Variants in ANXA8 observed in about 807,000 individuals in gnomAD.
The protein encoded by ANXA8 is VAC-beta.
Under a neutral mutation model 26.8 loss-of-function variants are expected in ANXA8, and 9 were observed. The ratio of observed to expected loss-of-function variants is 0.34; its 90% CI spans 0.20 to 0.59. The LOEUF (loss-of-function observed/expected upper bound fraction) is 0.59, where lower values mean the gene tolerates loss of function less well. ANXA8 is among the 20% of genes least tolerant of loss of function. ANXA8 has a pLI of 0.84. For missense variants in ANXA8, 83 were observed against 238.5 expected, an observed-to-expected ratio of 0.35 and a Z score of 4.29; for synonymous variants, 39 against 94.8, an observed-to-expected ratio of 0.41 and a Z score of 3.42.
the ANXA8 span, among the ~76,000 whole-genome samples, chr10:47,672,246 T>C: frequency 6.7e-6 from 1 of 150,288 alleles, no homozygotes; most frequent in Non-Finnish European, 1.5e-5. Flanking sequence ...TCTTATTCTA[T>C]TGTGAAGAAT....
the ANXA8 span, among the ~76,000 whole-genome samples, chr10:47,672,860 A>T: frequency 6.6e-6 from 1 of 151,724 alleles, no homozygotes; most frequent in East Asian, 1.9e-4. Flanking sequence ...TGTAACTGAA[A>T]ACCTATAAAA....
chr10:47,565,639 C>CG, the ANXA8 span: 1 of 344,880 alleles, frequency 2.9e-6, no homozygotes, highest in African/African-American at 2.2e-5. Flanking sequence ...ACTTCGGCTA[C>CG]GCGGCTGCCG....
chr10:47,476,304 C>T lies in ANXA8; in HGVS notation c.340G>A (p.Gly114Ser), dbSNP rs1168017902. 1,797 of 466,162 alleles carry T rather than the reference C, an allele frequency of 3.9e-3. 52 individuals are homozygous for T. The highest frequency in any genetic ancestry group is 4.5e-3 in the Non-Finnish European group (1,398 of 310,846). 28.9% of individuals were successfully genotyped at this position (466,162 alleles called of 1,614,324 possible). The change falls in exon 5 of 12, where the codon GGT becomes AGT. Residue 114 changes from glycine to serine, a missense_variant. Gly to Ser is a moderately conservative substitution (Grantham distance 56). This residue lies in a region of ANXA8 where 16 missense variants were observed against 16.3 expected (regional missense o/e 0.98). Transcript: ENST00000585281. Reference sequence around the variant, plus strand: ...GAGGCCAGGATCTCAATGATGACACCCTCCTTGGTTCCTAAGCCCTGTGGA... The same window carrying T: ...GAGGCCAGGATCTCAATGATGACACTCTCCTTGGTTCCTAAGCCCTGTGGA... ...DAMKGLGTKE[G>S]VIIEILASRT... is the part of the protein sequence containing the mutation.
chr10:47,470,369 G>A (rs1389947233), intron 11 of ANXA8, among the ~76,000 whole-genome samples: 1 of 143,100 alleles, frequency 7.0e-6, no homozygotes, highest in Non-Finnish European at 1.5e-5. Flanking sequence ...ACCATGTGTG[G>A]TTAAAAGGGT....
the ANXA8 span, among the ~76,000 whole-genome samples, chr10:47,946,464 G>A: frequency 1.3e-5 from 2 of 150,420 alleles, no homozygotes; most frequent in Non-Finnish European, 2.9e-5. Flanking sequence ...GCCAGAGCCT[G>A]TCAGGCAGCA....
chr10:47,503,937 C>CAAAAAAAAAAAAAAAAAAAAA, the ANXA8 span, among the ~76,000 whole-genome samples: 2 of 23,442 alleles, frequency 8.5e-5, no homozygotes, highest in Non-Finnish European at 1.4e-4. Context: ...GAGAGTCCAT[C>CAAAAAAAAAAAAAAAAAAAAA]AAAAAAAAAA....
chr10:47,710,295 G>A, the ANXA8 span: 1 of 1,319,508 alleles, frequency 7.6e-7, no homozygotes, highest in Non-Finnish European at 1.0e-6. Context: ...CTACCTCAGA[G>A]ATCTTCCTCC....
At chr10:47,771,590 G>A in the ANXA8 span, among the ~76,000 whole-genome samples, 2 of 151,446 alleles carry the variant, frequency 1.3e-5, no homozygotes, top group African/African-American at 4.9e-5. Context: ...TGTTGTTGTT[G>A]TTGTTAGATG....
At chr10:47,737,024 T>G in the ANXA8 span, among the ~76,000 whole-genome samples, 1 of 150,968 alleles carries the variant, frequency 6.6e-6, no homozygotes, top group Non-Finnish European at 1.5e-5. Flanking sequence ...ATTTGCAGTT[T>G]GCTTTTTCAT....
the ANXA8 span, among the ~76,000 whole-genome samples, chr10:47,972,905 T>G: frequency 1.4e-5 from 2 of 145,012 alleles, no homozygotes; most frequent in African/African-American, 5.0e-5. Context: ...GGGTCTAGCA[T>G]GTCATGGGAG....
At chr10:47,691,234 G>T in the ANXA8 span, 16 of 1,414,004 alleles carry the variant, frequency 1.1e-5, no homozygotes, top group South Asian at 1.9e-4. Flanking sequence ...TCACGGGTGA[G>T]GTCATTATGG....
At chr10:47,666,811 C>T in the ANXA8 span, among the ~76,000 whole-genome samples, 1 of 151,914 alleles carries the variant, frequency 6.6e-6, no homozygotes, top group Non-Finnish European at 1.5e-5. Context: ...CCTTCATTTC[C>T]TCTTCTCATA....
At chr10:47,502,452 C>T in the ANXA8 span, 627 of 1,612,530 alleles carry the variant, frequency 3.9e-4, 6 homozygotes, top group South Asian at 6.3e-3. Flanking sequence ...TCTCTTCCCT[C>T]GTGGACTTTA....
chr10:47,687,018 A>G, the ANXA8 span, among the ~76,000 whole-genome samples: 3 of 151,616 alleles, frequency 2.0e-5, no homozygotes, highest in African/African-American at 7.3e-5. Flanking sequence ...GCTGGATGAC[A>G]GCTTGAGCCC....
chr10:47,510,037 T>C, the ANXA8 span: 1 of 1,479,578 alleles, frequency 6.8e-7, no homozygotes, highest in South Asian at 1.2e-5. Context: ...AAACTGATAC[T>C]TAATATTCAG....
At chr10:47,521,306 T>C in the ANXA8 span, among the ~76,000 whole-genome samples, 1,282 of 139,376 alleles carry the variant, frequency 9.2e-3, 159 homozygotes, top group African/African-American at 0.033. Context: ...CCAAGCAGAG[T>C]ATAAGTTTAT....
the ANXA8 span, among the ~76,000 whole-genome samples, chr10:47,682,469 C>CTTTCTTTTTTTT: frequency 8.2e-6 from 1 of 121,648 alleles, no homozygotes; most frequent in Non-Finnish European, 1.7e-5. Context: ...CTTTCTTTTT[C>CTTTCTTTTTTTT]TTTTTTTTTT....
the ANXA8 span, among the ~76,000 whole-genome samples, chr10:47,643,837 A>AC: frequency 1.3e-5 from 1 of 74,254 alleles, no homozygotes; most frequent in East Asian, 2.6e-4. Flanking sequence ...TGGGATAAGA[A>AC]ACTTGCTGTC....
chr10:47,548,862 T>C, the ANXA8 span, among the ~76,000 whole-genome samples: 1 of 152,184 alleles, frequency 6.6e-6, no homozygotes, highest in African/African-American at 2.4e-5. Flanking sequence ...CTATTTCATC[T>C]TATGTAAACT....
Sources: allele counts gnomAD v4.1 joint callset (sites outside exome capture counted in the v4.1 genomes callset), GRCh38; gene constraint gnomAD v4.1.1; regional missense constraint gnomAD v4.1.1; transcripts MANE v1.5; gene names NCBI Gene and HGNC (gene_info 2026-07-23, HGNC 2026-07-21).